Variants in RIMS2 observed in about 807,000 individuals in gnomAD.
The protein encoded by RIMS2 is regulating synaptic membrane exocytosis 2.
Under a neutral mutation model 174.4 loss-of-function variants are expected in RIMS2, and 59 were observed. That is an observed-to-expected ratio of 0.34 (90% CI 0.27 to 0.42). The LOEUF (loss-of-function observed/expected upper bound fraction) is 0.42, where lower values mean the gene tolerates loss of function less well. RIMS2 is among the 10% of genes least tolerant of loss of function. The probability of loss-of-function intolerance (pLI) is 1.00; values close to 1 mark genes in which losing one functional copy is unlikely to be tolerated. For synonymous variants in RIMS2, 606 were observed against 572.5 expected (o/e 1.06, Z -0.84); for missense variants, 1,620 against 1,666.3 (o/e 0.97, Z 0.48).
At chr8:104,155,328 G>A (rs1197992058) in intron 19 of RIMS2, among the ~76,000 whole-genome samples, 5 of 150,336 alleles carry the variant, frequency 3.3e-5, no homozygotes, top group African/African-American at 1.2e-4. Context: ...GGATGGTCTC[G>A]ATCTCCTGAC....
chr8:103,936,297 G>A (rs1445352677), intron 12 of RIMS2, among the ~76,000 whole-genome samples: 1 of 151,988 alleles, frequency 6.6e-6, no homozygotes, highest in Non-Finnish European at 1.5e-5. Context: ...GAAATATTCA[G>A]TTTTCAATAA....
At chr8:103,604,317 G>A (rs1055484236) in intron 1 of RIMS2, among the ~76,000 whole-genome samples, 6 of 151,566 alleles carry the variant, frequency 4.0e-5, no homozygotes, top group South Asian at 2.1e-4. Flanking sequence ...GTTGATATGC[G>A]GCGTTATTTC....
chr8:103,629,201 C>CA (rs1411013712), intron 1 of RIMS2, among the ~76,000 whole-genome samples: 1 of 152,142 alleles, frequency 6.6e-6, no homozygotes, highest in East Asian at 1.9e-4. Context: ...CCCCATGATG[C>CA]AATAATGAGC....
intron 1 of RIMS2, among the ~76,000 whole-genome samples, chr8:103,514,718 T>C (rs749089424): frequency 1.3e-5 from 2 of 152,102 alleles, no homozygotes; most frequent in Non-Finnish European, 2.9e-5. Context: ...GACGAGAAAC[T>C]CTTAAAGTAG....
intron 19 of RIMS2, among the ~76,000 whole-genome samples, chr8:104,155,580 A>AT (rs1185254102): frequency 6.7e-6 from 1 of 149,564 alleles, no homozygotes; most frequent in Non-Finnish European, 1.5e-5. Flanking sequence ...TGCCCGGCTA[A>AT]TTTTTTGTAT....
At chr8:104,160,546 G>T (rs78644032) in intron 19 of RIMS2, among the ~76,000 whole-genome samples, 3,366 of 152,160 alleles carry the variant, frequency 0.022, 57 homozygotes, top group Middle Eastern at 0.14. Context: ...TTTTGTTAAG[G>T]AATATTTATA....
chr8:103,554,871 T>C (rs1441150733), intron 1 of RIMS2, among the ~76,000 whole-genome samples: 1 of 152,146 alleles, frequency 6.6e-6, no homozygotes, highest in Non-Finnish European at 1.5e-5. Flanking sequence ...GAAGATCATG[T>C]CCTTTGCAGC....
chr8:104,022,982 T>C (rs2096145181), intron 19 of RIMS2, among the ~76,000 whole-genome samples: 1 of 152,242 alleles, frequency 6.6e-6, no homozygotes, highest in African/African-American at 2.4e-5. Context: ...TTTTGATTAT[T>C]TACCTGTAAT....
chr8:103,860,581 T>C (rs892465317), intron 3 of RIMS2, among the ~76,000 whole-genome samples: 1 of 152,112 alleles, frequency 6.6e-6, no homozygotes, highest in Non-Finnish European at 1.5e-5. Flanking sequence ...TAGCAAATAG[T>C]ACATATTCAA....
intron 19 of RIMS2, among the ~76,000 whole-genome samples, chr8:104,070,595 G>T (rs530309033): frequency 6.6e-5 from 10 of 152,122 alleles, no homozygotes; most frequent in African/African-American, 2.2e-4. Flanking sequence ...ACCTTTTGTG[G>T]TTTTTTTATG....
At chr8:103,911,200 TTGATAACTG>T (rs2075611796) in intron 5 of RIMS2, among the ~76,000 whole-genome samples, 1 of 152,184 alleles carries the variant, frequency 6.6e-6, no homozygotes, top group Non-Finnish European at 1.5e-5. Context: ...CTGTTACTTT[TTGATAACTG>T]TGAAACTATG....
intron 1 of RIMS2, chr8:103,501,322 CT>C: frequency 4.2e-6 from 1 of 237,150 alleles, no homozygotes; most frequent in Non-Finnish European, 8.2e-6. Context: ...TCCTTGGCGC[CT>C]TTCCGGATTT....
intron 10 of RIMS2, among the ~76,000 whole-genome samples, chr8:103,927,068 T>G (rs2078917637): frequency 6.6e-6 from 1 of 151,398 alleles, no homozygotes; most frequent in Non-Finnish European, 1.5e-5. Flanking sequence ...GGACATACCA[T>G]GAGGCAATAA....
At chr8:104,065,355 C>A (rs371264995) in intron 19 of RIMS2, among the ~76,000 whole-genome samples, 1 of 152,004 alleles carries the variant, frequency 6.6e-6, no homozygotes, top group South Asian at 2.1e-4. Flanking sequence ...ATTGATTTCT[C>A]TAAATTGCTT....
chr8:104,094,975 G>A (rs955811848), intron 19 of RIMS2, among the ~76,000 whole-genome samples: 13 of 152,050 alleles, frequency 8.5e-5, no homozygotes, highest in African/African-American at 3.1e-4. Context: ...ATGAGTAGCT[G>A]AATCCAATGT....
chr8:103,637,833 G>A (rs2096125116), intron 1 of RIMS2, among the ~76,000 whole-genome samples: 1 of 152,040 alleles, frequency 6.6e-6, no homozygotes, highest in South Asian at 2.1e-4. Flanking sequence ...TTAATTTCAT[G>A]TCTCCTTAGT....
chr8:103,910,491 A>C (rs1179550679), intron 5 of RIMS2: 1 of 1,597,404 alleles, frequency 6.3e-7, no homozygotes, highest in South Asian at 1.1e-5. Context: ...TACGTGTAGT[A>C]GCACAACCCT....
At chr8:103,776,807 C>A (rs2098323485) in intron 3 of RIMS2, among the ~76,000 whole-genome samples, 1 of 152,086 alleles carries the variant, frequency 6.6e-6, no homozygotes, top group Non-Finnish European at 1.5e-5. Context: ...CAAAGATGGG[C>A]AAAGTGCATT....
chr8:103,768,812 G>T lies in RIMS2; in HGVS notation c.698+2275G>T, dbSNP rs757875386. On this transcript the variant is annotated intron_variant, in intron 3 of 23. Transcript: ENST00000504942. Reference sequence around the variant, plus strand: ...AGGACCAAAGCACCCAAAATTCAGCGTCTTATTACTCCATGTGTCCTGCAG... The same window carrying T: ...AGGACCAAAGCACCCAAAATTCAGCTTCTTATTACTCCATGTGTCCTGCAG... 10 of 673,322 alleles carry T rather than the reference G, an allele frequency of 1.5e-5. No homozygotes were observed. In the Admixed American group the frequency reaches 1.6e-4, roughly 11 times the overall value. 41.7% of individuals were successfully genotyped at this position (673,322 alleles called of 1,614,324 possible).
Sources: gnomAD v4.1 joint callset for allele counts (sites outside exome capture counted in the v4.1 genomes callset) on GRCh38, gnomAD v4.1.1 for gene constraint, MANE v1.5 for transcripts, NCBI Gene and HGNC (gene_info 2026-07-23, HGNC 2026-07-21) for gene names.